COL27A1: variants seen among roughly 807,000 people sequenced by gnomAD.
COL27A1 encodes the protein collagen alpha-1(XXVII) chain.
Under a neutral mutation model 251.3 loss-of-function variants are expected in COL27A1, and 106 were observed. That is an observed-to-expected ratio of 0.42 (90% CI 0.36 to 0.50). The LOEUF is 0.50. Ranked by LOEUF, COL27A1 falls within the 20% of genes least tolerant of loss-of-function variation. COL27A1 has a pLI of 0.00. For missense variants in COL27A1, 2,325 were observed against 2,522.8 expected (o/e 0.92, Z 1.68); for synonymous variants, 1,000 against 986.3 (o/e 1.01, Z -0.26).
intron 23 of COL27A1, among the ~76,000 whole-genome samples, chr9:114,245,642 C>T (rs1480865456): frequency 6.6e-6 from 1 of 152,210 alleles, no homozygotes; most frequent in East Asian, 1.9e-4. Context: ...GCCAAGGCCC[C>T]CTCAGAGGGA....
At chr9:114,180,092 G>A (rs952456318) in intron 4 of COL27A1, among the ~76,000 whole-genome samples, 16 of 151,596 alleles carry the variant, frequency 1.1e-4, no homozygotes, top group Non-Finnish European at 1.8e-4. Context: ...CACCTGCCTC[G>A]GCCTCCCAAA....
intron 27 of COL27A1, among the ~76,000 whole-genome samples, chr9:114,253,317 A>G (rs549337729): frequency 1.5e-4 from 23 of 150,010 alleles, no homozygotes; most frequent in South Asian, 6.3e-4. Context: ...GAAAGAAAGA[A>G]AGAGAGAGGA....
At chr9:114,279,937 T>C (rs1835801227) in intron 37 of COL27A1, among the ~76,000 whole-genome samples, 1 of 152,198 alleles carries the variant, frequency 6.6e-6, no homozygotes, top group Admixed American at 6.5e-5. Context: ...ATAATCAATA[T>C]AAAAATCATT....
intron 49 of COL27A1, among the ~76,000 whole-genome samples, chr9:114,299,345 A>G (rs1230179701): frequency 6.6e-6 from 1 of 152,250 alleles, no homozygotes; most frequent in East Asian, 1.9e-4. Flanking sequence ...CCAAGCCCCA[A>G]GAATGTGTAA....
chr9:114,280,585 C>T (rs1056804317), intron 37 of COL27A1, among the ~76,000 whole-genome samples: 2 of 152,224 alleles, frequency 1.3e-5, no homozygotes, highest in Non-Finnish European at 2.9e-5. Context: ...TTCAAGTGTT[C>T]GGTAGCTGTA....
intron 27 of COL27A1, among the ~76,000 whole-genome samples, chr9:114,253,410 GAA>G (rs397971475): frequency 9.0e-6 from 1 of 110,616 alleles, no homozygotes; most frequent in East Asian, 3.2e-4. Flanking sequence ...AAAAAAGACA[GAA>G]AGAAGAGGAG....
chr9:114,245,934 T>A (rs763159154), intron 24 of COL27A1, 24 bp downstream of exon 24: 1 of 1,608,790 alleles, frequency 6.2e-7, no homozygotes, highest in Non-Finnish European at 8.5e-7. Context: ...GGTCTCTGAA[T>A]GAGTGGCTCC....
intron 25 of COL27A1, among the ~76,000 whole-genome samples, chr9:114,251,178 C>G (rs990475122): frequency 5.3e-5 from 8 of 152,126 alleles, no homozygotes; most frequent in African/African-American, 1.9e-4. Flanking sequence ...CATGTTGGCT[C>G]CCAGCTCCCA....
intron 60 of COL27A1, among the ~76,000 whole-genome samples, chr9:114,310,101 C>T (rs937375826): frequency 2.0e-5 from 3 of 151,900 alleles, no homozygotes; most frequent in Admixed American, 6.6e-5. Context: ...AATGGTACAA[C>T]GGAATTTGAG....
intron 7 of COL27A1, among the ~76,000 whole-genome samples, chr9:114,200,755 G>T (rs769512656): frequency 1.3e-5 from 2 of 152,208 alleles, no homozygotes; most frequent in Non-Finnish European, 2.9e-5. Context: ...TCTACTCTAG[G>T]CATGTGTTTC....
intron 28 of COL27A1, among the ~76,000 whole-genome samples, chr9:114,264,016 C>T (rs34527930): frequency 0.16 from 24,015 of 152,200 alleles, 2,008 homozygotes; most frequent in East Asian, 0.21. Flanking sequence ...GACGTGGCCA[C>T]GTGTAACTCA....
chr9:114,230,963 C>T (rs1831901419), intron 14 of COL27A1, 116 bp from the exon 15 acceptor site: 4 of 732,944 alleles, frequency 5.5e-6, no homozygotes, highest in Non-Finnish European at 7.0e-6. Context: ...ATCAATCCTA[C>T]AGAGTTGCGT....
intron 56 of COL27A1, among the ~76,000 whole-genome samples, chr9:114,302,742 CAAAG>C (rs1828745005): frequency 2.3e-5 from 3 of 132,422 alleles, no homozygotes; most frequent in Non-Finnish European, 3.3e-5. Context: ...AAAAAAAAAA[CAAAG>C]AGAGTCGGGC....
At chr9:114,263,867 G>C (rs1834531675) in intron 28 of COL27A1, among the ~76,000 whole-genome samples, 1 of 152,182 alleles carries the variant, frequency 6.6e-6, no homozygotes, top group South Asian at 2.1e-4. Flanking sequence ...GCTAGAGATG[G>C]GGCTGCTCCA....
chr9:114,263,352 G>A (rs1406936456), intron 28 of COL27A1, among the ~76,000 whole-genome samples: 2 of 152,064 alleles, frequency 1.3e-5, no homozygotes, highest in Non-Finnish European at 2.9e-5. Context: ...TTTATCTGGG[G>A]GAGTATTGCG....
In COL27A1 at chr9:114,288,741, G is replaced by C; in HGVS notation, c.4084G>C (p.Asp1362His). ...GDRGDRGEPG[D>H]PGYPGQEGVQ... is the part of the protein sequence containing the mutation. The stretch of plus-strand genomic sequence containing the variant: ...TCGAGGAGACCGCGGGGAACCGGGA[G>C]ACCCTGGGTACCCTGTAAGTATCAG... Residue 1362 changes from aspartate to histidine, a missense_variant, in exon 43 of 61, where the codon GAC becomes CAC. Coordinates refer to ENST00000356083, the MANE Select transcript of COL27A1 (RefSeq NM_032888.4). 5 of 1,610,686 alleles carry C rather than the reference G, an allele frequency of 3.1e-6. No individual in the cohort carries two copies. Among genetic ancestry groups the C allele is most frequent in the Non-Finnish European group, 3.4e-6 (4 of 1,177,350 alleles).
chr9:114,177,437 G>T (rs1827558026), intron 3 of COL27A1, among the ~76,000 whole-genome samples: 1 of 152,190 alleles, frequency 6.6e-6, no homozygotes, highest in African/African-American at 2.4e-5. Flanking sequence ...GACTGCAGAG[G>T]GGAGGGAGGA....
In COL27A1 at chr9:114,301,136, G is replaced by A; in HGVS notation, c.4755+11G>A. The A allele has an allele frequency of 6.2e-7, 1 of 1,613,744 alleles. No individual in the cohort carries two copies. Among genetic ancestry groups the A allele is most frequent in the Non-Finnish European group, 8.5e-7 (1 of 1,179,808 alleles). On this transcript the variant is annotated intron_variant, in intron 52 of 60. Coordinates refer to ENST00000356083, the MANE Select transcript of COL27A1 (RefSeq NM_032888.4). ...CCTTCGGGACTCCCGGTATGTGTGG[G>A]GATTGGACAGGAAGACTCCGGGGTC...
At chr9:114,300,320 G>A in intron 50 of COL27A1, 197 bp downstream of exon 50, 2 of 617,166 alleles carry the variant, frequency 3.2e-6, no homozygotes, top group South Asian at 4.0e-5. Flanking sequence ...TACCTGCTCT[G>A]TGCCTTGCAA....
Sources: allele counts gnomAD v4.1 joint callset (sites outside exome capture counted in the v4.1 genomes callset), GRCh38; gene constraint gnomAD v4.1.1; transcripts MANE v1.5; gene names NCBI Gene and HGNC (gene_info 2026-07-23, HGNC 2026-07-21).